Variants in TSNARE1 observed in about 807,000 individuals in gnomAD.
TSNARE1 encodes t-SNARE domain-containing protein 1.
A neutral mutation model predicts 62.0 loss-of-function variants in TSNARE1; 49 were observed. The observed-to-expected ratio is 0.79, with a 90% CI of 0.63 to 1.00. The LOEUF (loss-of-function observed/expected upper bound fraction) is 1.00, where lower values mean the gene tolerates loss of function less well. Ranked by LOEUF, TSNARE1 falls within the 50% of genes least tolerant of loss-of-function variation. TSNARE1 has a pLI of 0.00. For missense variants in TSNARE1, 755 were observed against 700.1 expected, an observed-to-expected ratio of 1.08 and a Z score of -0.88; for synonymous variants, 328 against 294.4, an observed-to-expected ratio of 1.11 and a Z score of -1.17.
At chr8:142,302,185 G>A (rs1328122783) in intron 9 of TSNARE1, among the ~76,000 whole-genome samples, 2 of 151,986 alleles carry the variant, frequency 1.3e-5, no homozygotes, top group African/African-American at 2.4e-5. Context: ...CAGCCCTCAG[G>A]AGCAGACCCA....
In TSNARE1 at chr8:142,247,031, C is replaced by T. The variant is rs76349217; in HGVS notation, c.1447-17452G>A. 4.4e-3 allele frequency among the ~76,000 whole-genome samples: 674 copies of T among 152,322 alleles called. 8 individuals are homozygous for T. Among genetic ancestry groups the T allele is most frequent in the Middle Eastern group, 0.027 (8 of 294 alleles). ...GGTGCTGCGACCAGCTATGGCCAGA[C>T]GATGTCCTGTACATGCAGCTCTCTC... On this transcript the variant is annotated intron_variant, in intron 12 of 13. Coordinates refer to ENST00000524325, the MANE Select transcript of TSNARE1 (RefSeq NM_145003.5).
intron 12 of TSNARE1, chr8:142,273,077 G>A (rs967749805): frequency 1.0e-6 from 1 of 985,294 alleles, no homozygotes; most frequent in African/African-American, 1.7e-5. Flanking sequence ...GTGTGTCGGG[G>A]GGGCGGTGCC....
chr8:142,255,842 C>CTGTCAG (rs1818462063), intron 12 of TSNARE1, among the ~76,000 whole-genome samples: 1 of 70,724 alleles, frequency 1.4e-5, no homozygotes, highest in African/African-American at 5.0e-5. Context: ...ACCACCACCA[C>CTGTCAG]CATCACCACC....
intron 10 of TSNARE1, among the ~76,000 whole-genome samples, chr8:142,292,348 G>A (rs181174082): frequency 3.3e-5 from 5 of 152,352 alleles, no homozygotes; most frequent in Admixed American, 1.3e-4. Context: ...GAGGAGTGCC[G>A]AGAACCAGTG....
chr8:142,305,731 G>A (rs1826559572), intron 9 of TSNARE1, among the ~76,000 whole-genome samples: 1 of 152,220 alleles, frequency 6.6e-6, no homozygotes, highest in African/African-American at 2.4e-5. Context: ...GGGATTTGCT[G>A]GCAAGGTGCT....
rs569887678 is a variant in TSNARE1 at position 142,291,312 on chromosome 8, C to T, written c.1291-6827G>A. On this transcript the variant is annotated intron_variant, in intron 10 of 13. Coordinates refer to ENST00000524325, the MANE Select transcript of TSNARE1 (RefSeq NM_145003.5). The surrounding 1 kb of genome is among the most constrained non-coding windows in gnomAD (Gnocchi z 4.8). ...CTGGGCTCGAATCCCAGCTCCATGG[C>T]GTGTGAGCTGTGTGACCCTGGGCAA... 1.3e-5 allele frequency among the ~76,000 whole-genome samples: 2 copies of T among 152,194 alleles called. No homozygotes were observed. The highest frequency in any genetic ancestry group is 1.9e-4 in the East Asian group (1 of 5,140).
chr8:142,262,825 G>A (rs972266002), intron 12 of TSNARE1, among the ~76,000 whole-genome samples: 11 of 152,234 alleles, frequency 7.2e-5, no homozygotes, highest in Admixed American at 2.0e-4. Flanking sequence ...AGCCAATCAC[G>A]CCTCTTTTCT....
chr8:142,263,460 T>A (rs1818988176), intron 12 of TSNARE1, among the ~76,000 whole-genome samples: 1 of 152,242 alleles, frequency 6.6e-6, no homozygotes, highest in South Asian at 2.1e-4. Context: ...CACCACGGTT[T>A]AGTTCAAGGG....
chr8:142,406,080 C>G (rs1290474643), upstream of TSNARE1: 1 of 152,500 alleles, frequency 6.6e-6, no homozygotes, highest in Admixed American at 6.5e-5. Context: ...ACCCACCTCA[C>G]TGACAGTCTT....
chr8:142,402,805 C>A (rs1255599649), intron 1 of TSNARE1: 1 of 152,094 alleles, frequency 6.6e-6, no homozygotes, highest in African/African-American at 2.4e-5. Flanking sequence ...GTCTGAACAG[C>A]GCGCGAGGAC....
At chr8:142,295,441 T>C (rs7832163) in intron 10 of TSNARE1, among the ~76,000 whole-genome samples, 64,863 of 152,118 alleles carry the variant, frequency 0.43, 13,984 homozygotes, top group South Asian at 0.54. Context: ...GCCGCTCTGC[T>C]CCTCTAACAC....
At chr8:142,223,156 A>ACTC (rs1816537698) in intron 13 of TSNARE1, among the ~76,000 whole-genome samples, 1 of 130,360 alleles carries the variant, frequency 7.7e-6, no homozygotes, top group Non-Finnish European at 1.6e-5. Flanking sequence ...CCACTCACTC[A>ACTC]TTCACTCACT....
intron 1 of TSNARE1, among the ~76,000 whole-genome samples, chr8:142,382,286 T>A (rs919744233): frequency 1.3e-5 from 2 of 152,164 alleles, no homozygotes; most frequent in African/African-American, 2.4e-5. Context: ...AGGCACCTCG[T>A]AGACCACGCC....
intron 1 of TSNARE1, among the ~76,000 whole-genome samples, chr8:142,399,915 C>A (rs1232660727): frequency 6.6e-6 from 1 of 152,176 alleles, no homozygotes; most frequent in East Asian, 1.9e-4. Flanking sequence ...AAGCCTGGAG[C>A]CAGACGCCAT....
At position 142,331,752 on chromosome 8, in the gene TSNARE1, A is replaced by G. The variant is rs370686580; in HGVS notation, c.823+2T>C. 2.1e-5 allele frequency: 34 copies of G among 1,593,980 alleles called. No individual in the cohort carries two copies. Among genetic ancestry groups the G allele is most frequent in the African/African-American group, 4.0e-5 (3 of 74,342 alleles). ...GCAGGCCCAGGCCAGACGCACACTC[A>G]CCACTGGAGTTGATTCGGAAGACGT... On this transcript the variant is annotated splice_donor_variant, in intron 5 of 13. Transcript: ENST00000524325. LOFTEE classifies it high-confidence loss of function.
chr8:142,392,058 T>C (rs1296120597), intron 1 of TSNARE1, among the ~76,000 whole-genome samples: 1 of 152,206 alleles, frequency 6.6e-6, no homozygotes, highest in Non-Finnish European at 1.5e-5. Context: ...AGTTTTGCTC[T>C]TGTTGCCCAA....
intron 1 of TSNARE1, among the ~76,000 whole-genome samples, chr8:142,399,458 G>A (rs888508483): frequency 7.2e-5 from 11 of 152,234 alleles, no homozygotes; most frequent in African/African-American, 1.9e-4. Context: ...GCTGGGGACC[G>A]TGGGGGCAGG....
intron 1 of TSNARE1, among the ~76,000 whole-genome samples, chr8:142,389,228 C>A (rs1837314029): frequency 6.6e-6 from 1 of 152,196 alleles, no homozygotes; most frequent in South Asian, 2.1e-4. Flanking sequence ...ACACATCTCA[C>A]ACCATATACA....
Position 142,220,140 on chromosome 8 carries a change from G to A in TSNARE1, c.*12-7827C>T, listed in dbSNP as rs561130650. Among the ~76,000 whole-genome samples, 20 of 152,318 alleles carry A rather than the reference G, an allele frequency of 1.3e-4. No homozygotes were observed. The East Asian group carries it at 1.5e-3, about 12-fold the overall frequency. On this transcript the variant is annotated intron_variant, in intron 13 of 13. Transcript: ENST00000524325. ...CGCAGCCCGCAAGAGTAGTAGAGAC[G>A]GGCAGTGAGCTCCACGGCCATGACT...
Sources: allele counts gnomAD v4.1 joint callset (sites outside exome capture counted in the v4.1 genomes callset), GRCh38; gene constraint gnomAD v4.1.1; non-coding constraint Gnocchi (gnomAD v3.1); transcripts MANE v1.5; gene names NCBI Gene and HGNC (gene_info 2026-07-23, HGNC 2026-07-21).